KCNMB2: variants seen among roughly 807,000 people sequenced by gnomAD.
KCNMB2 encodes the protein potassium calcium-activated channel subfamily M regulatory beta subunit 2.
Under a neutral mutation model 24.5 loss-of-function variants are expected in KCNMB2, and 9 were observed. The observed-to-expected ratio is 0.37, with a 90% CI of 0.22 to 0.64. The LOEUF is 0.64. Ranked by LOEUF, KCNMB2 falls within the 30% of genes least tolerant of loss-of-function variation. The probability of loss-of-function intolerance (pLI) is 0.63; values close to 1 mark genes in which losing one functional copy is unlikely to be tolerated. For missense variants in KCNMB2, 226 were observed against 284.3 expected, an observed-to-expected ratio of 0.79 and a Z score of 1.47; for synonymous variants, 109 against 104.4, an observed-to-expected ratio of 1.04 and a Z score of -0.27.
chr3:178,721,629 T>C (rs565175634), intron 1 of KCNMB2, among the ~76,000 whole-genome samples: 2 of 152,360 alleles, frequency 1.3e-5, no homozygotes, highest in East Asian at 3.9e-4. Flanking sequence ...AGTGTATGTT[T>C]AACTTTGTAA....
At chr3:178,840,870 C>T (rs1332893754) in intron 4 of KCNMB2, among the ~76,000 whole-genome samples, 3 of 152,240 alleles carry the variant, frequency 2.0e-5, no homozygotes, top group Non-Finnish European at 2.9e-5. Flanking sequence ...TGGCTATTAA[C>T]ATTCAGCTCC....
chr3:178,616,083 A>C (rs1174375917), intron 1 of KCNMB2, among the ~76,000 whole-genome samples: 2 of 151,874 alleles, frequency 1.3e-5, no homozygotes, highest in Non-Finnish European at 2.9e-5. Context: ...TCCTCTCCAC[A>C]AGCAGAAAGA....
intron 1 of KCNMB2, among the ~76,000 whole-genome samples, chr3:178,761,771 T>G (rs1711896256): frequency 6.6e-6 from 1 of 152,138 alleles, no homozygotes; most frequent in Admixed American, 6.5e-5. Flanking sequence ...ATATAGACAA[T>G]GTCCCTAATA....
At chr3:178,706,175 C>G (rs1318616345) in intron 1 of KCNMB2, among the ~76,000 whole-genome samples, 1 of 152,120 alleles carries the variant, frequency 6.6e-6, no homozygotes, top group Admixed American at 6.6e-5. Context: ...TATTTATTTG[C>G]CTACTTCTCA....
At chr3:178,812,796 C>T (rs114054908) in intron 2 of KCNMB2, among the ~76,000 whole-genome samples, 3,063 of 152,104 alleles carry the variant, frequency 0.02, 102 homozygotes, top group African/African-American at 0.07. Flanking sequence ...GTTCTAGCGG[C>T]CAGTTTTGTC....
chr3:178,672,106 GC>G (rs1720919573), intron 1 of KCNMB2, among the ~76,000 whole-genome samples: 1 of 152,190 alleles, frequency 6.6e-6, no homozygotes, highest in Non-Finnish European at 1.5e-5. Flanking sequence ...CACAGGACTG[GC>G]TGATGTGGAA....
intron 1 of KCNMB2, among the ~76,000 whole-genome samples, chr3:178,716,013 T>C (rs1190511254): frequency 6.6e-6 from 1 of 152,204 alleles, no homozygotes; most frequent in African/African-American, 2.4e-5. Context: ...TCTGACCCTG[T>C]GAGGTATCTT....
chr3:178,738,648 C>G (rs1344764206), intron 1 of KCNMB2, among the ~76,000 whole-genome samples: 1 of 152,004 alleles, frequency 6.6e-6, no homozygotes, highest in Non-Finnish European at 1.5e-5. Context: ...CATTTTTGAC[C>G]CCAGGACAAA....
chr3:178,540,898 A>G (rs537568958), intron 1 of KCNMB2, among the ~76,000 whole-genome samples: 1 of 152,244 alleles, frequency 6.6e-6, no homozygotes, highest in East Asian at 1.9e-4. Flanking sequence ...AGGAATTTTT[A>G]TTTACTTTCT....
rs114393638 is a variant in KCNMB2, at chr3:178,732,122, T to C, written c.-67-75221T>C. On this transcript the variant is annotated intron_variant, in intron 1 of 4. Transcript: ENST00000452583. Reference sequence around the variant, plus strand: ...AGAAAATGTACAGATTAAAAGGGATTTAAGAAATATAGAAAAAATTTGCGA... The same window carrying C: ...AGAAAATGTACAGATTAAAAGGGATCTAAGAAATATAGAAAAAATTTGCGA... 9.1e-3 allele frequency among the ~76,000 whole-genome samples: 1,383 copies of C among 152,184 alleles called. 19 individuals are homozygous for C. The highest frequency in any genetic ancestry group is 0.032 in the African/African-American group (1,333 of 41,518).
At chr3:178,654,054 T>C (rs1465397815) in intron 1 of KCNMB2, among the ~76,000 whole-genome samples, 1 of 152,150 alleles carries the variant, frequency 6.6e-6, no homozygotes, top group Non-Finnish European at 1.5e-5. Context: ...TCTAGCTAAG[T>C]CTCTTCTTGC....
At chr3:178,739,476 T>A (rs896338256) in intron 1 of KCNMB2, among the ~76,000 whole-genome samples, 15 of 152,174 alleles carry the variant, frequency 9.9e-5, no homozygotes, top group African/African-American at 3.6e-4. Context: ...GCAAATGAAT[T>A]ATCTAGTTCA....
At chr3:178,645,142 C>A (rs1004910511) in intron 1 of KCNMB2, among the ~76,000 whole-genome samples, 1 of 151,158 alleles carries the variant, frequency 6.6e-6, no homozygotes. Flanking sequence ...CCTCTGCCAC[C>A]CGGGTTCAAG....
chr3:178,551,206 C>G (rs981408471), intron 1 of KCNMB2, among the ~76,000 whole-genome samples: 7 of 152,156 alleles, frequency 4.6e-5, no homozygotes, highest in African/African-American at 1.4e-4. Flanking sequence ...TTCCCAGAGG[C>G]TGGCTGTGAG....
At chr3:178,756,209 T>C (rs531532006) in intron 1 of KCNMB2, among the ~76,000 whole-genome samples, 1 of 151,070 alleles carries the variant, frequency 6.6e-6, no homozygotes, top group African/African-American at 2.4e-5. Flanking sequence ...ATTTTCCACA[T>C]GTGTGTGTAT....
At chr3:178,786,032 A>T (rs1713086980) in intron 1 of KCNMB2, among the ~76,000 whole-genome samples, 1 of 152,190 alleles carries the variant, frequency 6.6e-6, no homozygotes, top group East Asian at 1.9e-4. Context: ...AAACTCAGTC[A>T]TCTCTATCTC....
intron 4 of KCNMB2, 129 bp downstream of exon 4, chr3:178,828,502 T>C (rs1714923936): frequency 1.4e-5 from 9 of 625,040 alleles, no homozygotes; most frequent in Non-Finnish European, 1.9e-5. Flanking sequence ...GCCTCTTCCA[T>C]TCAGAGAACT....
rs1724258590 is a variant in KCNMB2, at chr3:178,758,187, G to GGATATATATATATATATATATCCAAGA, written c.-67-49155_-67-49154insATATATATATATATATATATCCAAGAG. On this transcript the variant is annotated intron_variant, in intron 1 of 4. Transcript: ENST00000452583. Reference sequence around the variant, plus strand: ...GAGGATATATATATATATATCCAAGGGGATATATATATATATATATCCAAG... The same window carrying GGATATATATATATATATATATCCAAGA: ...GAGGATATATATATATATATCCAAGGGATATATATATATATATATATCCAAGAGGATATATATATATATATATCCAAG... Among the ~76,000 whole-genome samples the GGATATATATATATATATATATCCAAGA allele has an allele frequency of 7.1e-4, 7 of 9,922 alleles. 2 individuals carry two copies. Among genetic ancestry groups the GGATATATATATATATATATATCCAAGA allele is most frequent in the Non-Finnish European group, 9.9e-4 (6 of 6,036 alleles). The allele number at this position is 9,922 out of a possible 152,430, so 6.5% of individuals were successfully genotyped here.
At chr3:178,581,782 A>T (rs1266744977) in intron 1 of KCNMB2, among the ~76,000 whole-genome samples, 1 of 152,228 alleles carries the variant, frequency 6.6e-6, no homozygotes, top group Non-Finnish European at 1.5e-5. Flanking sequence ...ATCATCAGTG[A>T]TCATTAGAGA....
Sources: gnomAD v4.1 joint callset for allele counts (sites outside exome capture counted in the v4.1 genomes callset) on GRCh38, gnomAD v4.1.1 for gene constraint, MANE v1.5 for transcripts, NCBI Gene and HGNC (gene_info 2026-07-23, HGNC 2026-07-21) for gene names.